The following GNG4 variants were observed in gnomAD, a reference collection of about 807,000 sequenced individuals.
GNG4 encodes the protein guanine nucleotide-binding protein G(I)/G(S)/G(O) subunit gamma-4.
Under a neutral mutation model 5.8 loss-of-function variants are expected in GNG4, and 4 were observed. The ratio of observed to expected loss-of-function variants is 0.69; its 90% CI spans 0.34 to 1.57. The LOEUF (loss-of-function observed/expected upper bound fraction) is 1.57. Among genes scored for constraint, GNG4 ranks in the 40% most tolerant of loss-of-function variants. The probability of loss-of-function intolerance (pLI) is 0.06; values close to 1 mark genes in which losing one functional copy is unlikely to be tolerated. For synonymous variants in GNG4, 29 were observed against 32.9 expected (o/e 0.88, Z 0.41); for missense variants, 96 against 95.1 (o/e 1.01, Z -0.04).
rs1166672761 is a variant in GNG4 at position 235,632,268 on chromosome 1, G to A, written c.-123+17394C>T. On this transcript the variant is annotated intron_variant, in intron 1 of 3. Transcript: ENST00000391854. ...TGCCCAGCTAGTTATTTTATTTTTT[G>A]TAGAGACAGGGTCTCACTAGATTGC... Among the ~76,000 whole-genome samples the A allele has an allele frequency of 2.0e-5, 3 of 151,970 alleles. No homozygotes were observed. In the East Asian group the frequency reaches 5.8e-4, roughly 29 times the overall value.
chr1:235,555,019 T>G lies in GNG4; in HGVS notation c.100-2782A>C, dbSNP rs567742602. ...AAGGAAGTATTCACTATCTACCCTT[T>G]AGCTAATTCAGAGGATGCAAGAGAA... On this transcript the variant is annotated intron_variant, in intron 3 of 3. Coordinates refer to ENST00000391854, the MANE Select transcript of GNG4 (RefSeq NM_001098722.2). Among the ~76,000 whole-genome samples the G allele has an allele frequency of 7.2e-5, 11 of 152,324 alleles. No individual in the cohort carries two copies. The South Asian group carries it at 2.3e-3, about 32-fold the overall frequency.
At chr1:235,605,195 C>CT (rs58223568) in intron 1 of GNG4, among the ~76,000 whole-genome samples, 150 of 142,190 alleles carry the variant, frequency 1.1e-3, no homozygotes, top group East Asian at 6.7e-3. Flanking sequence ...TGATTCCTGC[C>CT]TTTTTTTTTT....
At chr1:235,560,257 G>T (rs1687023542) in intron 3 of GNG4, among the ~76,000 whole-genome samples, 1 of 152,196 alleles carries the variant, frequency 6.6e-6, no homozygotes, top group African/African-American at 2.4e-5. Context: ...GAAACAATGC[G>T]AGCATGTTAG....
chr1:235,650,151 A>G (rs1320970265), upstream of GNG4, among the ~76,000 whole-genome samples: 1 of 143,790 alleles, frequency 7.0e-6, no homozygotes, highest in Non-Finnish European at 1.5e-5. Context: ...ACTCGGGCCC[A>G]CGCCCCCTGT....
chr1:235,547,898 G>A lies in GNG4; in HGVS notation c.*4211C>T, dbSNP rs1686622514. Reference sequence around the variant, plus strand: ...ACTGATCTCTACTTGCAACCGCATGGATGAATTTTGCTGGGTTTTAAACTT... The same window carrying A: ...ACTGATCTCTACTTGCAACCGCATGAATGAATTTTGCTGGGTTTTAAACTT... On this transcript the variant is annotated 3_prime_UTR_variant, in exon 4 of 4. Coordinates refer to ENST00000391854, the MANE Select transcript of GNG4 (RefSeq NM_001098722.2). The A allele has an allele frequency of 6.6e-6, 1 of 152,126 alleles. No individual in the cohort carries two copies. Among genetic ancestry groups the A allele is most frequent in the Non-Finnish European group, 1.5e-5 (1 of 68,028 alleles). The allele number at this position is 152,126 out of a possible 1,614,324, so 9.4% of individuals were successfully genotyped here.
At chr1:235,570,419 C>CG in intron 3 of GNG4, among the ~76,000 whole-genome samples, 1 of 110,098 alleles carries the variant, frequency 9.1e-6, no homozygotes, top group East Asian at 3.0e-4. Context: ...TTTTTTGAGA[C>CG]GGAGTTTCAC....
intron 3 of GNG4, among the ~76,000 whole-genome samples, chr1:235,576,207 C>A (rs543914819): frequency 1.5e-4 from 22 of 147,398 alleles, no homozygotes; most frequent in Non-Finnish European, 2.8e-4. Flanking sequence ...ACTACAGGCG[C>A]GTGCCACCAT....
chr1:235,612,065 C>CAAAAA, intron 1 of GNG4, among the ~76,000 whole-genome samples: 1 of 93,490 alleles, frequency 1.1e-5, no homozygotes, highest in Non-Finnish European at 1.9e-5. Flanking sequence ...CTTTGTCTCA[C>CAAAAA]AAAAAAAAAA....
rs991663382 is a variant in GNG4, at chr1:235,550,725, C to G, written c.*1384G>C. On this transcript the variant is annotated 3_prime_UTR_variant, in exon 4 of 4. Transcript: ENST00000391854. ...GCTGAGACATGAGGATCACTTGAACCTGCGAGTGGAGGTTGCGGTGAGCTG... is the reference window on the plus strand; with the variant it reads ...GCTGAGACATGAGGATCACTTGAACGTGCGAGTGGAGGTTGCGGTGAGCTG... 2 of 152,220 alleles carry G rather than the reference C, an allele frequency of 1.3e-5. No homozygotes were observed. The highest frequency in any genetic ancestry group is 2.9e-5 in the Non-Finnish European group (2 of 68,052). 9.4% of individuals were successfully genotyped at this position (152,220 alleles called of 1,614,324 possible).
At chr1:235,557,186 A>G (rs575274455) in intron 3 of GNG4, among the ~76,000 whole-genome samples, 30 of 152,264 alleles carry the variant, frequency 2.0e-4, no homozygotes, top group Admixed American at 3.9e-4. Context: ...AGAATCTATA[A>G]TCTACACTGT....
intron 3 of GNG4, among the ~76,000 whole-genome samples, chr1:235,554,935 TTTTTGGA>T (rs1319208112): frequency 2.6e-5 from 4 of 152,134 alleles, no homozygotes; most frequent in Admixed American, 1.3e-4. Flanking sequence ...TACTTCATTT[TTTTTGGA>T]CATGCTCCAG....
chr1:235,579,509 C>T (rs577789639), intron 3 of GNG4, among the ~76,000 whole-genome samples: 475 of 151,802 alleles, frequency 3.1e-3, no homozygotes, highest in African/African-American at 0.011. Flanking sequence ...CTGGTGATGA[C>T]GTGACGTGAT....
At chr1:235,595,229 G>A (rs1558490404) in intron 2 of GNG4, among the ~76,000 whole-genome samples, 171 bp downstream of exon 2, 1 of 152,158 alleles carries the variant, frequency 6.6e-6, no homozygotes, top group Admixed American at 6.5e-5. Flanking sequence ...GCCGTGGAGG[G>A]TGGGAGAAGG....
intron 2 of GNG4, among the ~76,000 whole-genome samples, chr1:235,595,152 C>T (rs1162777167): frequency 1.3e-5 from 2 of 152,198 alleles, no homozygotes; most frequent in African/African-American, 4.8e-5. Context: ...GCTCCCCCAA[C>T]AGGTGCACAT....
intron 1 of GNG4, among the ~76,000 whole-genome samples, chr1:235,601,194 A>C (rs775945428): frequency 1.6e-4 from 24 of 152,210 alleles, no homozygotes; most frequent in Non-Finnish European, 3.2e-4. Context: ...AGGGTATGGG[A>C]TAGGCTGGTG....
intron 3 of GNG4, among the ~76,000 whole-genome samples, chr1:235,581,214 C>T (rs989660459): frequency 3.3e-5 from 5 of 152,038 alleles, no homozygotes; most frequent in Admixed American, 3.3e-4. Flanking sequence ...TTAAAACCAT[C>T]TCCCTTGGTA....
chr1:235,576,045 A>G (rs1687474500), intron 3 of GNG4, among the ~76,000 whole-genome samples: 1 of 148,288 alleles, frequency 6.7e-6, no homozygotes, highest in South Asian at 2.1e-4. Flanking sequence ...TTTAATGATC[A>G]ATGTCATATA....
chr1:235,630,520 G>A (rs1418930739), intron 1 of GNG4, among the ~76,000 whole-genome samples: 1 of 152,200 alleles, frequency 6.6e-6, no homozygotes, highest in African/African-American at 2.4e-5. Context: ...TCTGACGAAA[G>A]TACACGGTTT....
chr1:235,631,111 C>A (rs980024587), intron 1 of GNG4, among the ~76,000 whole-genome samples: 1 of 152,146 alleles, frequency 6.6e-6, no homozygotes, highest in Non-Finnish European at 1.5e-5. Context: ...GTTGGCCAGG[C>A]TGGTCTCCAG....
Sources: allele counts gnomAD v4.1 joint callset (sites outside exome capture counted in the v4.1 genomes callset), GRCh38; gene constraint gnomAD v4.1.1; transcripts MANE v1.5; gene names NCBI Gene and HGNC (gene_info 2026-07-23, HGNC 2026-07-21).